The following GRAMD4 variants were observed in gnomAD, a reference collection of about 807,000 sequenced individuals.
The protein encoded by GRAMD4 is GRAM domain-containing protein 4.
Under a neutral mutation model 83.9 loss-of-function variants are expected in GRAMD4, and 25 were observed. That is an observed-to-expected ratio of 0.30 (90% CI 0.22 to 0.42). The LOEUF (loss-of-function observed/expected upper bound fraction) is 0.42, where lower values mean the gene tolerates loss of function less well. GRAMD4 is among the 10% of genes least tolerant of loss of function. GRAMD4 has a pLI of 1.00. For missense variants in GRAMD4, 593 were observed against 788.7 expected, an observed-to-expected ratio of 0.75 and a Z score of 2.97; for synonymous variants, 336 against 320.9, an observed-to-expected ratio of 1.05 and a Z score of -0.50.
downstream of GRAMD4, chr22:46,679,850 C>T (rs2082650000): frequency 4.2e-6 from 4 of 942,288 alleles, no homozygotes; most frequent in Non-Finnish European, 5.1e-6. Flanking sequence ...GCCAGCTGGG[C>T]CACCAACCCC....
chr22:46,613,152 G>C (rs1026990073), intron 1 of GRAMD4, among the ~76,000 whole-genome samples: 6 of 152,254 alleles, frequency 3.9e-5, no homozygotes, highest in African/African-American at 1.4e-4. Context: ...GGAGAGTAGG[G>C]CTGTGTTTTT....
rs561160660 is a variant in GRAMD4, at chr22:46,589,018, G to A, written c.-50+11728G>A. On this transcript the variant is annotated intron_variant, in intron 1 of 1. Coordinates refer to the GRAMD4 transcript ENST00000431155. Reference sequence around the variant, plus strand: ...TGCAACCACAGCTCGTAACTGTGGCGCTGGGCAGAGGGCTGGGTACGCAGC... The same window carrying A: ...TGCAACCACAGCTCGTAACTGTGGCACTGGGCAGAGGGCTGGGTACGCAGC... Among the ~76,000 whole-genome samples, 123 of 152,266 alleles carry A rather than the reference G, an allele frequency of 8.1e-4. 1 individual carries two copies. Among genetic ancestry groups the A allele is most frequent in the African/African-American group, 2.8e-3 (118 of 41,558 alleles).
At chr22:46,613,943 C>T (rs1601559453) in intron 1 of GRAMD4, among the ~76,000 whole-genome samples, 1 of 152,204 alleles carries the variant, frequency 6.6e-6, no homozygotes, top group Non-Finnish European at 1.5e-5. Flanking sequence ...CTGCTGTTCA[C>T]GGAGCCCTGT....
downstream of GRAMD4, among the ~76,000 whole-genome samples, chr22:46,680,540 A>ATCTG (rs1467144614): frequency 6.8e-6 from 1 of 147,772 alleles, no homozygotes; most frequent in Non-Finnish European, 1.5e-5. Flanking sequence ...ATTCATCCAC[A>ATCTG]TCTGTCCGTC....
chr22:46,674,164 CAA>C (rs776994573), intron 15 of GRAMD4, among the ~76,000 whole-genome samples: 10 of 152,240 alleles, frequency 6.6e-5, no homozygotes, highest in South Asian at 6.2e-4. Flanking sequence ...TCTGGAGAAA[CAA>C]GAGCCACCAG....
rs537804400 is a variant in GRAMD4, at chr22:46,661,546, C to A, written c.466+104C>A. 4.0e-4 allele frequency: 327 copies of A among 817,892 alleles called. No individual in the cohort carries two copies. The African/African-American group carries it at 4.7e-3, about 12-fold the overall frequency. The allele number at this position is 817,892 out of a possible 1,614,324, so 50.7% of individuals were successfully genotyped here. On this transcript the variant is annotated intron_variant, in intron 5 of 18. Transcript: ENST00000406902. ...GTTAACAATGGAGCAGATACCCCCT[C>A]CCCCAGCAGGTGGGCAGGCGGCAGG...
intron 1 of GRAMD4, among the ~76,000 whole-genome samples, chr22:46,602,689 TA>T (rs2081322715): frequency 6.6e-6 from 1 of 151,816 alleles, no homozygotes; most frequent in South Asian, 2.1e-4. Flanking sequence ...TCTCTCATTA[TA>T]AGTGAAGGTT....
intron 1 of GRAMD4, among the ~76,000 whole-genome samples, chr22:46,607,508 T>G (rs2081377318): frequency 6.6e-6 from 1 of 152,148 alleles, no homozygotes; most frequent in South Asian, 2.1e-4. Context: ...TTACTGTCCC[T>G]TACGAAGTGT....
At chr22:46,675,738 TG>T (rs1225369585) in intron 17 of GRAMD4, among the ~76,000 whole-genome samples, 186 bp downstream of exon 17, 1 of 152,280 alleles carries the variant, frequency 6.6e-6, no homozygotes, top group African/African-American at 2.4e-5. Flanking sequence ...GCCCCTGCCC[TG>T]GGGTCCACTT....
intron 5 of GRAMD4, 59 bp from the exon 6 acceptor site, chr22:46,662,981 G>T: frequency 1.3e-6 from 2 of 1,506,368 alleles, no homozygotes; most frequent in South Asian, 2.6e-5. Flanking sequence ...TCCCGGAGCC[G>T]ACCCCAGAAC....
chr22:46,587,849 G>A, intron 1 of GRAMD4: 1 of 940,440 alleles, frequency 1.1e-6, no homozygotes, highest in Non-Finnish European at 1.3e-6. Context: ...TGAAACAGGC[G>A]TGTGCGCCAG....
intron 3 of GRAMD4, among the ~76,000 whole-genome samples, chr22:46,643,135 G>T (rs370508654): frequency 8.8e-4 from 7 of 7,980 alleles, no homozygotes; most frequent in African/African-American, 1.1e-3. Context: ...ATCCATCCAT[G>T]CATCCTTCCA....
chr22:46,603,729 G>T (rs2081338565), intron 1 of GRAMD4, among the ~76,000 whole-genome samples: 1 of 150,880 alleles, frequency 6.6e-6, no homozygotes, highest in South Asian at 2.1e-4. Context: ...TGTTAGCCAG[G>T]ATGGTCTCGA....
chr22:46,578,897 T>C (rs1393982175), intron 1 of GRAMD4, among the ~76,000 whole-genome samples: 1 of 152,212 alleles, frequency 6.6e-6, no homozygotes, highest in East Asian at 1.9e-4. Flanking sequence ...CCCACAGTCC[T>C]CACCGTGCTG....
chr22:46,576,551 C>A (rs903436482), upstream of GRAMD4, among the ~76,000 whole-genome samples: 3 of 152,206 alleles, frequency 2.0e-5, no homozygotes, highest in Non-Finnish European at 4.4e-5. Context: ...GCACCCCGGG[C>A]ACCTTGGGAT....
chr22:46,629,410 C>T (rs929203746), intron 2 of GRAMD4, among the ~76,000 whole-genome samples: 2 of 152,186 alleles, frequency 1.3e-5, no homozygotes, highest in East Asian at 1.9e-4. Flanking sequence ...AATACTGATT[C>T]GCTAAACCCT....
In GRAMD4 at chr22:46,668,176, AC is replaced by A; in HGVS notation, c.930+10del. 1 of 1,604,514 alleles carries A rather than the reference AC, an allele frequency of 6.2e-7. No individual in the cohort carries two copies. The highest frequency in any genetic ancestry group is 8.5e-7 in the Non-Finnish European group (1 of 1,173,202). On this transcript the variant is annotated intron_variant, in intron 11 of 18. Transcript: ENST00000406902. ...TCGCCCAGAAAGCCCAGGTACTGCC[AC>A]GGGCGCCGGCCAGGGGTGTGTCTGC...
intron 3 of GRAMD4, among the ~76,000 whole-genome samples, chr22:46,647,166 T>G (rs1351083590): frequency 6.6e-6 from 1 of 152,120 alleles, no homozygotes; most frequent in African/African-American, 2.4e-5. Flanking sequence ...GTTTAATAAG[T>G]GACGACTGTG....
chr22:46,599,223 G>A (rs1458120619), intron 1 of GRAMD4, among the ~76,000 whole-genome samples: 6 of 152,176 alleles, frequency 3.9e-5, no homozygotes, highest in African/African-American at 9.7e-5. Context: ...GGGCCTGTGT[G>A]TGAGAGTGCT....
Sources: allele counts gnomAD v4.1 joint callset (sites outside exome capture counted in the v4.1 genomes callset), GRCh38; gene constraint gnomAD v4.1.1; transcripts MANE v1.5; gene names NCBI Gene and HGNC (gene_info 2026-07-23, HGNC 2026-07-21).